MAF: variants seen among roughly 807,000 people sequenced by gnomAD.
MAF encodes transcription factor Maf.
In MAF, 10 loss-of-function variants were observed where a neutral mutation model predicts 22.0. The observed-to-expected ratio is 0.45, with a 90% confidence interval of 0.28 to 0.77. MAF has a LOEUF of 0.77. MAF is among the 30% of genes least tolerant of loss of function. MAF has a pLI of 0.12. For missense variants in MAF, 544 were observed against 548.4 expected, an observed-to-expected ratio of 0.99 and a Z score of 0.08; for synonymous variants, 337 against 255.8, an observed-to-expected ratio of 1.32 and a Z score of -3.03.
chr16:79,311,832 C>G, the MAF span, among the ~76,000 whole-genome samples: 1 of 152,170 alleles, frequency 6.6e-6, no homozygotes, highest in Admixed American at 6.5e-5. Flanking sequence ...CTTCTGTGGG[C>G]ATGAAGGACG....
the MAF span, among the ~76,000 whole-genome samples, chr16:79,394,449 G>C: frequency 6.6e-6 from 1 of 152,150 alleles, no homozygotes; most frequent in Non-Finnish European, 1.5e-5. Context: ...GTCAGCTCAT[G>C]CATCTTTTAC....
chr16:79,320,430 G>C, the MAF span, among the ~76,000 whole-genome samples: 1 of 152,174 alleles, frequency 6.6e-6, no homozygotes, highest in Non-Finnish European at 1.5e-5. Flanking sequence ...AGGCAGAGTG[G>C]GGATGCCGTT....
chr16:79,439,612 T>G, the MAF span, among the ~76,000 whole-genome samples: 3 of 152,138 alleles, frequency 2.0e-5, no homozygotes, highest in Non-Finnish European at 4.4e-5. Flanking sequence ...AAACAAAGGT[T>G]CCAAGGAATA....
At chr16:79,245,264 G>A in the MAF span, among the ~76,000 whole-genome samples, 11 of 151,866 alleles carry the variant, frequency 7.2e-5, no homozygotes, top group East Asian at 1.9e-4. Flanking sequence ...AGAAACTATC[G>A]TTGGAGTGAA....
chr16:79,209,131 C>G, the MAF span, among the ~76,000 whole-genome samples: 12,883 of 152,200 alleles, frequency 0.085, 663 homozygotes, highest in Middle Eastern at 0.16. Context: ...AAGCCATCTC[C>G]TGATAAAAAG....
the MAF span, among the ~76,000 whole-genome samples, chr16:79,493,282 A>G: frequency 6.6e-6 from 1 of 152,068 alleles, no homozygotes; most frequent in Non-Finnish European, 1.5e-5. Context: ...TCCTGGGTTG[A>G]AGCAATTCTG....
the MAF span, among the ~76,000 whole-genome samples, chr16:79,415,050 T>C: frequency 6.6e-6 from 1 of 152,192 alleles, no homozygotes; most frequent in Admixed American, 6.5e-5. Flanking sequence ...AACAAAACTA[T>C]TCCCATGCCC....
the MAF span, among the ~76,000 whole-genome samples, chr16:79,375,587 TTAATGATGATGG>T: frequency 6.6e-6 from 1 of 152,050 alleles, no homozygotes; most frequent in Non-Finnish European, 1.5e-5. Context: ...TGATGATATA[TTAATGATGATGG>T]TAATGATGAT....
At chr16:79,592,417 T>C (rs1913242092), downstream of MAF, among the ~76,000 whole-genome samples, 1 of 152,198 alleles carries the variant, frequency 6.6e-6, no homozygotes, top group East Asian at 1.9e-4. Flanking sequence ...GAATTCCCCT[T>C]TTCTGGGGCT....
chr16:79,527,592 G>C, the MAF span, among the ~76,000 whole-genome samples: 3 of 151,994 alleles, frequency 2.0e-5, no homozygotes, highest in South Asian at 2.1e-4. Context: ...CACTTCTTAG[G>C]GAAGTCCCAT....
the MAF span, among the ~76,000 whole-genome samples, chr16:79,420,632 A>G: frequency 6.6e-6 from 1 of 152,036 alleles, no homozygotes; most frequent in Non-Finnish European, 1.5e-5. Context: ...ATCAGGGTTC[A>G]CTTTAGCTGT....
the MAF span, among the ~76,000 whole-genome samples, chr16:79,208,742 C>G: frequency 6.6e-6 from 1 of 151,936 alleles, no homozygotes; most frequent in East Asian, 1.9e-4. Flanking sequence ...ATATGTAGGC[C>G]GAAAAGCTGG....
chr16:79,353,340 GC>G, the MAF span, among the ~76,000 whole-genome samples: 2 of 152,068 alleles, frequency 1.3e-5, no homozygotes, highest in African/African-American at 4.8e-5. Flanking sequence ...TGTTGCCCAG[GC>G]TAGTCTTGAA....
chr16:79,479,099 C>T, the MAF span, among the ~76,000 whole-genome samples: 1 of 151,614 alleles, frequency 6.6e-6, no homozygotes, highest in African/African-American at 2.4e-5. Context: ...TGCACCCGTG[C>T]ACCACCCCAG....
the MAF span, among the ~76,000 whole-genome samples, chr16:79,313,450 A>T: frequency 6.6e-6 from 1 of 152,074 alleles, no homozygotes; most frequent in Non-Finnish European, 1.5e-5. Flanking sequence ...CCCAGGCATC[A>T]CCTCCCACTG....
the MAF span, among the ~76,000 whole-genome samples, chr16:79,478,711 T>C: frequency 6.6e-6 from 1 of 152,130 alleles, no homozygotes; most frequent in African/African-American, 2.4e-5. Context: ...GGGTTCATTC[T>C]AGTGCACCAG....
chr16:79,256,820 T>C, the MAF span, among the ~76,000 whole-genome samples: 1 of 152,150 alleles, frequency 6.6e-6, no homozygotes, highest in Non-Finnish European at 1.5e-5. Context: ...GGTGCTCACG[T>C]GAGTCTAGGC....
At chr16:79,461,957 A>T in the MAF span, among the ~76,000 whole-genome samples, 1 of 152,180 alleles carries the variant, frequency 6.6e-6, no homozygotes. Flanking sequence ...GCAGAAGCCC[A>T]GTGTATTGCT....
chr16:79,331,597 A>G, the MAF span, among the ~76,000 whole-genome samples: 2 of 152,114 alleles, frequency 1.3e-5, no homozygotes, highest in Admixed American at 6.5e-5. Flanking sequence ...CCATAGTCAT[A>G]CCTTCTACCC....
Sources: gnomAD v4.1 joint callset for allele counts (sites outside exome capture counted in the v4.1 genomes callset) on GRCh38, gnomAD v4.1.1 for gene constraint, MANE v1.5 for transcripts, NCBI Gene and HGNC (gene_info 2026-07-23, HGNC 2026-07-21) for gene names.